The following ANKS1B variants were observed in gnomAD, a reference collection of about 807,000 sequenced individuals.
ANKS1B encodes ankyrin repeat and sterile alpha motif domain containing 1B.
In ANKS1B, 36 loss-of-function variants were observed where a neutral mutation model predicts 148.3. The ratio of observed to expected loss-of-function variants is 0.24; its 90% CI spans 0.19 to 0.32. ANKS1B has a LOEUF of 0.32. Ranked by LOEUF, ANKS1B falls within the 10% of genes least tolerant of loss-of-function variation. The probability of loss-of-function intolerance (pLI) is 1.00; values close to 1 mark genes in which losing one functional copy is unlikely to be tolerated. For missense variants in ANKS1B, 1,157 were observed against 1,542.6 expected (o/e 0.75, Z 4.19); for synonymous variants, 542 against 560.8 (o/e 0.97, Z 0.47).
At chr12:99,150,078 C>T (rs1566464498) in intron 15 of ANKS1B, among the ~76,000 whole-genome samples, 1 of 152,156 alleles carries the variant, frequency 6.6e-6, no homozygotes, top group Non-Finnish European at 1.5e-5. Context: ...GAAATGATAT[C>T]TAAGGAGTGC....
At chr12:99,142,836 C>T (rs1340840195) in intron 15 of ANKS1B, among the ~76,000 whole-genome samples, 4 of 152,054 alleles carry the variant, frequency 2.6e-5, no homozygotes, top group Non-Finnish European at 2.9e-5. Flanking sequence ...CTTTTGCTTG[C>T]TTCCTTTTGA....
intron 12 of ANKS1B, among the ~76,000 whole-genome samples, chr12:99,280,961 G>T (rs559131808): frequency 3.4e-5 from 5 of 148,262 alleles, no homozygotes; most frequent in Admixed American, 1.4e-4. Context: ...TCTCTCTCTC[G>T]CTATTGGTTC....
At chr12:99,434,225 A>T (rs1381437962) in intron 11 of ANKS1B, among the ~76,000 whole-genome samples, 3 of 152,140 alleles carry the variant, frequency 2.0e-5, no homozygotes, top group Non-Finnish European at 4.4e-5. Flanking sequence ...ACCTAAAGGG[A>T]AGGATAGACT....
At chr12:99,827,748 T>G (rs949483550) in intron 1 of ANKS1B, among the ~76,000 whole-genome samples, 18 of 152,184 alleles carry the variant, frequency 1.2e-4, no homozygotes, top group Non-Finnish European at 1.6e-4. Flanking sequence ...CAAACCTATA[T>G]TGACAAGGAT....
At chr12:99,227,089 G>A (rs74457224) in intron 14 of ANKS1B, among the ~76,000 whole-genome samples, 2,894 of 152,236 alleles carry the variant, frequency 0.019, 38 homozygotes, top group Non-Finnish European at 0.031. Context: ...ACATTGAATT[G>A]TAATCCTCAG....
intron 9 of ANKS1B, among the ~76,000 whole-genome samples, chr12:99,516,461 C>A (rs1012551310): frequency 9.9e-5 from 15 of 152,008 alleles, no homozygotes; most frequent in Admixed American, 2.0e-4. Context: ...AAGCTGGAAG[C>A]CATTATCCTC....
chr12:99,087,438 A>C (rs974561960), intron 15 of ANKS1B, among the ~76,000 whole-genome samples: 1 of 152,204 alleles, frequency 6.6e-6, no homozygotes, highest in Non-Finnish European at 1.5e-5. Context: ...CAGCATGATA[A>C]TGAAAAGCCT....
chr12:99,618,009 G>A (rs1473245651), intron 9 of ANKS1B, among the ~76,000 whole-genome samples: 1 of 152,032 alleles, frequency 6.6e-6, no homozygotes, highest in African/African-American at 2.4e-5. Context: ...ATACAATTTA[G>A]CTCCTAACCA....
intron 16 of ANKS1B, among the ~76,000 whole-genome samples, chr12:99,055,083 A>G (rs1208788060): frequency 6.6e-6 from 1 of 152,232 alleles, no homozygotes; most frequent in African/African-American, 2.4e-5. Context: ...GATGTTATGT[A>G]TGTATAAGAT....
chr12:99,490,428 A>G (rs2096544147), intron 10 of ANKS1B, among the ~76,000 whole-genome samples: 1 of 152,242 alleles, frequency 6.6e-6, no homozygotes, highest in South Asian at 2.1e-4. Flanking sequence ...ACAGATCTGG[A>G]TATATTTTGT....
chr12:99,582,237 C>T lies in ANKS1B; in HGVS notation c.1272+72830G>A, dbSNP rs75983498. 3.8e-4 allele frequency among the ~76,000 whole-genome samples: 58 copies of T among 151,942 alleles called. 1 individual carries two copies. In the East Asian group the frequency reaches 0.011, roughly 28 times the overall value. On this transcript the variant is annotated intron_variant, in intron 9 of 26. Transcript: ENST00000683438. ...TATTGAATCAACCAGAACTCTCAGA[C>T]ATTCCTGATGGGAATGCAAAATGGC...
intron 9 of ANKS1B, among the ~76,000 whole-genome samples, chr12:99,553,645 G>A (rs913174140): frequency 2.0e-5 from 3 of 152,116 alleles, no homozygotes; most frequent in Non-Finnish European, 4.4e-5. Context: ...ACACAAACAA[G>A]CAGCAGCAGT....
At chr12:99,865,290 T>C (rs1359863590) in intron 1 of ANKS1B, among the ~76,000 whole-genome samples, 1 of 152,206 alleles carries the variant, frequency 6.6e-6, no homozygotes, top group Non-Finnish European at 1.5e-5. Flanking sequence ...CTGAGCTAAC[T>C]AGTGTCATGT....
At chr12:99,477,310 T>C (rs1230649473) in intron 10 of ANKS1B, among the ~76,000 whole-genome samples, 1 of 152,170 alleles carries the variant, frequency 6.6e-6, no homozygotes, top group Non-Finnish European at 1.5e-5. Context: ...CAATGGAAAC[T>C]GATACAGCTG....
chr12:99,449,742 A>G (rs2095695889), intron 10 of ANKS1B, among the ~76,000 whole-genome samples: 1 of 152,150 alleles, frequency 6.6e-6, no homozygotes, highest in South Asian at 2.1e-4. Flanking sequence ...CAACACATCT[A>G]GAGTACTTGC....
At chr12:99,919,834 T>C (rs1007570010) in intron 1 of ANKS1B, among the ~76,000 whole-genome samples, 2 of 148,936 alleles carry the variant, frequency 1.3e-5, no homozygotes, top group Non-Finnish European at 3.0e-5. Context: ...ATATATAAAA[T>C]ATCTCATTAA....
intron 14 of ANKS1B, among the ~76,000 whole-genome samples, chr12:99,214,236 A>T (rs539097675): frequency 6.6e-5 from 10 of 152,338 alleles, no homozygotes; most frequent in Non-Finnish European, 1.3e-4. Context: ...GTTTAAAAAA[A>T]GTTTAAGCGT....
chr12:99,898,589 C>T (rs1196496910), intron 1 of ANKS1B, among the ~76,000 whole-genome samples: 2 of 152,164 alleles, frequency 1.3e-5, no homozygotes, highest in African/African-American at 4.8e-5. Flanking sequence ...GCATCCTCCT[C>T]TTCTTCCTAT....
At chr12:99,410,016 T>C (rs1338996661) in intron 11 of ANKS1B, among the ~76,000 whole-genome samples, 1 of 152,352 alleles carries the variant, frequency 6.6e-6, no homozygotes, top group East Asian at 1.9e-4. Flanking sequence ...CTTGCTTCTA[T>C]ACATATTTAC....
Sources: allele counts gnomAD v4.1 joint callset (sites outside exome capture counted in the v4.1 genomes callset), GRCh38; gene constraint gnomAD v4.1.1; transcripts MANE v1.5; gene names NCBI Gene and HGNC (gene_info 2026-07-23, HGNC 2026-07-21).